Variants in ENPP3 observed in about 807,000 individuals in gnomAD.
ENPP3 encodes ectonucleotide pyrophosphatase/phosphodiesterase family member 3.
Under a neutral mutation model 117.8 loss-of-function variants are expected in ENPP3, and 104 were observed. The observed-to-expected ratio is 0.88, with a 90% CI of 0.75 to 1.04. The LOEUF (loss-of-function observed/expected upper bound fraction) is 1.04, where lower values mean the gene tolerates loss of function less well. Among genes scored for constraint, ENPP3 ranks in the 50% least tolerant of loss-of-function variants. ENPP3 has a pLI of 0.00. For synonymous variants in ENPP3, 380 were observed against 349.9 expected (o/e 1.09, Z -0.96); for missense variants, 1,026 against 1,051.9 (o/e 0.98, Z 0.34).
intron 14 of ENPP3, among the ~76,000 whole-genome samples, chr6:131,690,479 A>G (rs79720773): frequency 1.3e-5 from 2 of 152,344 alleles, no homozygotes; most frequent in South Asian, 2.1e-4. Flanking sequence ...AAATTCAGGT[A>G]TGTAGTTTTT....
chr6:131,677,033 C>G (rs1778883912), intron 10 of ENPP3, among the ~76,000 whole-genome samples: 1 of 151,778 alleles, frequency 6.6e-6, no homozygotes, highest in Non-Finnish European at 1.5e-5. Context: ...CCCAGGAGTC[C>G]CGGACCAACC....
chr6:131,651,328 C>T (rs1298915041), intron 3 of ENPP3, among the ~76,000 whole-genome samples: 1 of 152,204 alleles, frequency 6.6e-6, no homozygotes, highest in African/African-American at 2.4e-5. Flanking sequence ...AAGACCTATA[C>T]ACAGTCTTAT....
chr6:131,737,468 T>C lies in ENPP3; in HGVS notation c.2167+36T>C, dbSNP rs765057033. ...ATTTAGAGTATTAATTTTAAAATAG[T>C]TAAGTGACTCCTTGAACTTCCAAAC... On this transcript the variant is annotated intron_variant, in intron 22 of 24. Coordinates refer to ENST00000357639, the MANE Select transcript of ENPP3 (RefSeq NM_005021.5). 3 of 1,175,374 alleles carry C rather than the reference T, an allele frequency of 2.6e-6. No individual in the cohort carries two copies. The East Asian group carries it at 7.1e-5, about 28-fold the overall frequency. The allele number at this position is 1,175,374 out of a possible 1,614,324, so 72.8% of individuals were successfully genotyped here.
At chr6:131,643,876 A>G (rs1778102976) in intron 2 of ENPP3, among the ~76,000 whole-genome samples, 1 of 152,120 alleles carries the variant, frequency 6.6e-6, no homozygotes, top group Non-Finnish European at 1.5e-5. Flanking sequence ...ATAATAAGAT[A>G]AAGTGCTAAG....
chr6:131,715,744 G>A (rs1202902904), intron 15 of ENPP3, among the ~76,000 whole-genome samples: 5 of 152,190 alleles, frequency 3.3e-5, no homozygotes, highest in African/African-American at 1.2e-4. Context: ...CTTCCACGCC[G>A]AGGCACGCCG....
chr6:131,725,832 G>A (rs1215639868), intron 19 of ENPP3, among the ~76,000 whole-genome samples: 1 of 151,982 alleles, frequency 6.6e-6, no homozygotes, highest in South Asian at 2.1e-4. Flanking sequence ...GTAAAATGGA[G>A]TAATAACACC....
At chr6:131,731,102 C>G (rs1376195687) in intron 20 of ENPP3, among the ~76,000 whole-genome samples, 2 of 152,076 alleles carry the variant, frequency 1.3e-5, no homozygotes, top group Non-Finnish European at 2.9e-5. Flanking sequence ...CTTTCTGTTA[C>G]CTTTTCTCTT....
intron 20 of ENPP3, among the ~76,000 whole-genome samples, chr6:131,732,803 C>T (rs1780314917): frequency 6.7e-6 from 1 of 149,812 alleles, no homozygotes; most frequent in African/African-American, 2.5e-5. Flanking sequence ...ATGGCCCAGT[C>T]TCAGCTCACC....
chr6:131,732,488 C>T (rs56366541), intron 20 of ENPP3, among the ~76,000 whole-genome samples: 8,909 of 152,120 alleles, frequency 0.059, 468 homozygotes, highest in Middle Eastern at 0.14. Flanking sequence ...TCTCAGCTGA[C>T]TGCAACCTCC....
At chr6:131,720,259 T>A in intron 16 of ENPP3, 33 bp from the exon 17 acceptor site, 3 of 1,311,576 alleles carry the variant, frequency 2.3e-6, no homozygotes, top group Non-Finnish European at 3.2e-6. Context: ...TTGGATGACA[T>A]CTAATAATAA....
intron 15 of ENPP3, 23 bp from the exon 16 acceptor site, chr6:131,718,649 G>C: frequency 7.8e-7 from 1 of 1,288,628 alleles, no homozygotes; most frequent in Non-Finnish European, 1.1e-6. Flanking sequence ...TGATCAGTGT[G>C]TAATAATATT....
At chr6:131,686,094 G>A (rs1264649519) in intron 14 of ENPP3, among the ~76,000 whole-genome samples, 187 bp downstream of exon 14, 1 of 152,106 alleles carries the variant, frequency 6.6e-6, no homozygotes, top group Non-Finnish European at 1.5e-5. Context: ...TTTTGGAGCT[G>A]ACACATCCAC....
At chr6:131,716,780 C>T (rs143855353) in intron 15 of ENPP3, among the ~76,000 whole-genome samples, 2,145 of 147,790 alleles carry the variant, frequency 0.015, 51 homozygotes, top group African/African-American at 0.05. Flanking sequence ...ACTAGCCTGG[C>T]CAACATGGCA....
intron 14 of ENPP3, among the ~76,000 whole-genome samples, chr6:131,687,940 T>A (rs144131312): frequency 6.6e-6 from 1 of 152,166 alleles, no homozygotes; most frequent in Non-Finnish European, 1.5e-5. Context: ...CTTGCTTCAC[T>A]GCATTGTGCT....
intron 14 of ENPP3, among the ~76,000 whole-genome samples, chr6:131,687,019 G>T (rs1001953907): frequency 6.6e-6 from 1 of 152,122 alleles, no homozygotes; most frequent in Non-Finnish European, 1.5e-5. Flanking sequence ...TTTTGGTGGA[G>T]GGGTATATCC....
At position 131,737,988 on chromosome 6, in the gene ENPP3, C is replaced by G. The variant is rs983151010; in HGVS notation, c.2168-43C>G. 6.3e-6 allele frequency: 9 copies of G among 1,420,606 alleles called. No individual in the cohort carries two copies. In the Admixed American group the frequency reaches 1.1e-4, roughly 17 times the overall value. The allele number at this position is 1,420,606 out of a possible 1,614,324, so 88.0% of individuals were successfully genotyped here. On this transcript the variant is annotated intron_variant, in intron 22 of 24. Transcript: ENST00000357639. ...TATAATAGAAAATAGTGTCATATTT[C>G]ACTGAAGTGGACATTTTAAACACTT...
At chr6:131,688,814 G>A (rs1779211880) in intron 14 of ENPP3, among the ~76,000 whole-genome samples, 2 of 151,626 alleles carry the variant, frequency 1.3e-5, no homozygotes, top group Admixed American at 6.6e-5. Context: ...CACTTTGGGA[G>A]GCCGAGGCAG....
At chr6:131,676,503 C>T (rs757513637) in intron 9 of ENPP3, among the ~76,000 whole-genome samples, 16 of 151,984 alleles carry the variant, frequency 1.1e-4, no homozygotes, top group Non-Finnish European at 1.9e-4. Flanking sequence ...TTAGGAGAAA[C>T]TGAAAGAGAG....
Position 131,737,483 on chromosome 6 carries a change from A to G in ENPP3, c.2167+51A>G, listed in dbSNP as rs1030337884. ...TTTAAAATAGTTAAGTGACTCCTTG[A>G]ACTTCCAAACTAAACACATATTTTT... On this transcript the variant is annotated intron_variant, in intron 22 of 24. Transcript: ENST00000357639. The G allele has an allele frequency of 1.0e-5, 10 of 991,824 alleles. No homozygotes were observed. The African/African-American group carries it at 1.5e-4, about 15-fold the overall frequency. The allele number at this position is 991,824 out of a possible 1,614,324, so 61.4% of individuals were successfully genotyped here. A position where few individuals can be genotyped will look rare whatever the true frequency, so the allele number is the denominator to read the frequency against.
Sources: allele counts gnomAD v4.1 joint callset (sites outside exome capture counted in the v4.1 genomes callset), GRCh38; gene constraint gnomAD v4.1.1; transcripts MANE v1.5; gene names NCBI Gene and HGNC (gene_info 2026-07-23, HGNC 2026-07-21).